ERRFI1: variants seen among roughly 807,000 people sequenced by gnomAD.
ERRFI1 encodes the protein mitogen-inducible gene 6 protein.
ERRFI1 carries 12 observed loss-of-function variants against 14.6 expected under a neutral mutation model. The ratio of observed to expected loss-of-function variants is 0.82; its 90% CI spans 0.53 to 1.33. The LOEUF (loss-of-function observed/expected upper bound fraction) is 1.33. Among genes scored for constraint, ERRFI1 ranks in the 40% most tolerant of loss-of-function variants. The pLI is 0.00. For synonymous variants in ERRFI1, 202 were observed against 209.9 expected, an observed-to-expected ratio of 0.96 and a Z score of 0.32; for missense variants, 482 against 572.1, an observed-to-expected ratio of 0.84 and a Z score of 1.61.
At chr1:8,015,874 A>AT (rs1299456383) in intron 1 of ERRFI1, among the ~76,000 whole-genome samples, 182 bp from the exon 2 acceptor site, 2 of 152,134 alleles carry the variant, frequency 1.3e-5, no homozygotes, top group Non-Finnish European at 2.9e-5. Context: ...ACTAAAAATG[A>AT]TTTTTTGTGT....
At chr1:8,018,500 G>T (rs1641230938) in intron 1 of ERRFI1, among the ~76,000 whole-genome samples, 1 of 151,724 alleles carries the variant, frequency 6.6e-6, no homozygotes, top group South Asian at 2.1e-4. Context: ...ACTCATTAGA[G>T]GAAAACAATT....
rs1387036951 is a variant in ERRFI1, at chr1:8,015,391, G to A, written c.126-7C>T. 6.2e-7 allele frequency: 1 copy of A among 1,614,104 alleles called. No homozygotes were observed. The highest frequency in any genetic ancestry group is 1.7e-5 in the Admixed American group (1 of 60,028). On this transcript the variant is annotated splice_region_variant and splice_polypyrimidine_tract_variant and intron_variant, in intron 2 of 3. Transcript: ENST00000377482. ...GTCAATATTTAAAAAGTTGCTGAAAGGAGAGGAAGCTACTTTGGTCATAAG... is the reference window on the plus strand; with the variant it reads ...GTCAATATTTAAAAAGTTGCTGAAAAGAGAGGAAGCTACTTTGGTCATAAG...
In ERRFI1 at chr1:8,015,394, G is replaced by A. The variant is rs754139728; in HGVS notation, c.126-10C>T. 9 of 1,614,122 alleles carry A rather than the reference G, an allele frequency of 5.6e-6. No individual in the cohort carries two copies. Among genetic ancestry groups the A allele is most frequent in the South Asian group, 2.2e-5 (2 of 91,086 alleles). On this transcript the variant is annotated splice_polypyrimidine_tract_variant and intron_variant, in intron 2 of 3. Transcript: ENST00000377482. Reference sequence around the variant, plus strand: ...AATATTTAAAAAGTTGCTGAAAGGAGAGGAAGCTACTTTGGTCATAAGCGA... The same window carrying A: ...AATATTTAAAAAGTTGCTGAAAGGAAAGGAAGCTACTTTGGTCATAAGCGA...
rs1641133087 is a variant in ERRFI1, at chr1:8,014,008, G to A, written c.591C>T (p.Gly197=). 2 of 1,614,056 alleles carry A rather than the reference G, an allele frequency of 1.2e-6. 1 individual carries two copies. Among genetic ancestry groups the A allele is most frequent in the South Asian group, 2.2e-5 (2 of 91,088 alleles). Reference sequence around the variant, plus strand: ...GTCCACACCCACGGAAGCTTCGCCTGCCAGGAACATCATATTTGAAATCAG... The same window carrying A: ...GTCCACACCCACGGAAGCTTCGCCTACCAGGAACATCATATTTGAAATCAG... ...TLSDFKYDVP[G]RRSFRGCGQI... The change falls in exon 4 of 4, where the codon GGC becomes GGT. Residue 197 remains glycine (G), a synonymous_variant. Coordinates refer to ENST00000377482, the MANE Select transcript of ERRFI1 (RefSeq NM_018948.4).
rs186386706 is a variant in ERRFI1 at position 8,023,356 on chromosome 1, C to A, written c.-74+2802G>T. Among the ~76,000 whole-genome samples, 97 of 152,318 alleles carry A rather than the reference C, an allele frequency of 6.4e-4. 1 individual carries two copies. The East Asian group carries it at 0.013, about 20-fold the overall frequency. On this transcript the variant is annotated intron_variant, in intron 1 of 3. Coordinates refer to ENST00000377482, the MANE Select transcript of ERRFI1 (RefSeq NM_018948.4). The stretch of plus-strand genomic sequence containing the variant: ...GCAGTCGTGTGATCTTGGCTTACTG[C>A]AACCTCTGCCTCCCAGGCTCAAGCA...
At position 8,012,579 on chromosome 1, in the gene ERRFI1, A is replaced by C. The variant is rs1454049087; in HGVS notation, c.*631T>G. On this transcript the variant is annotated 3_prime_UTR_variant, in exon 4 of 4. Transcript: ENST00000377482. Reference sequence around the variant, plus strand: ...GCTCTCCCTCCCTCAACAAGACGCAACATGAAACCTGGAAGTATGAGGCCT... The same window carrying C: ...GCTCTCCCTCCCTCAACAAGACGCACCATGAAACCTGGAAGTATGAGGCCT... 2.7e-5 allele frequency: 6 copies of C among 225,400 alleles called. No individual in the cohort carries two copies. The East Asian group carries it at 3.8e-4, about 14-fold the overall frequency. The allele number at this position is 225,400 out of a possible 1,614,324, so 14.0% of individuals were successfully genotyped here.
chr1:8,013,126 G>C lies in ERRFI1; in HGVS notation c.*84C>G, dbSNP rs1641110428. On this transcript the variant is annotated 3_prime_UTR_variant, in exon 4 of 4. Transcript: ENST00000377482. The surrounding 1 kb of genome is among the most constrained non-coding windows in gnomAD (Gnocchi z 4.3). ...AACTATTTTATTTTGCAATCTAAGG[G>C]ATTTTTCTCTGCACTTCAATCAAAC... 1 of 1,196,914 alleles carries C rather than the reference G, an allele frequency of 8.4e-7. No individual in the cohort carries two copies. Among genetic ancestry groups the C allele is most frequent in the South Asian group, 1.5e-5 (1 of 65,224 alleles). The allele number at this position is 1,196,914 out of a possible 1,614,324, so 74.1% of individuals were successfully genotyped here.
intron 1 of ERRFI1, among the ~76,000 whole-genome samples, chr1:8,022,015 T>C (rs570791177): frequency 1.3e-3 from 194 of 152,352 alleles, no homozygotes; most frequent in Non-Finnish European, 2.0e-3. Flanking sequence ...TAATAGTTTT[T>C]CTTGGGTAAC....
intron 1 of ERRFI1, among the ~76,000 whole-genome samples, chr1:8,025,752 T>A (rs1641337428): frequency 6.6e-6 from 1 of 151,854 alleles, no homozygotes; most frequent in Non-Finnish European, 1.5e-5. Context: ...AGGACCTTCA[T>A]GCTCGCCGCT....
chr1:8,015,615 G>T lies in ERRFI1; in HGVS notation c.5C>A (p.Ser2Ter). 6.2e-7 allele frequency: 1 copy of T among 1,614,050 alleles called. No individual in the cohort carries two copies. The highest frequency in any genetic ancestry group is 1.1e-5 in the South Asian group (1 of 91,072). Residue 2 changes from serine (S) to a stop codon, truncating the protein, a stop_gained, in exon 2 of 4, where the codon TCA (serine) becomes TAA (stop). Coordinates refer to ENST00000377482, the MANE Select transcript of ERRFI1 (RefSeq NM_018948.4). LOFTEE classifies it high-confidence loss of function. ...CTCCTGAGCAGCAACTCCTGCTATT[G>T]ACATTGTGCCTTATTCTGGGACATC... M[S>*]IAGVAAQEIR...
chr1:8,014,479 G>A (rs540594099), intron 3 of ERRFI1, 83 bp from the exon 4 acceptor site: 5 of 1,295,348 alleles, frequency 3.9e-6, no homozygotes, highest in South Asian at 2.9e-5. Flanking sequence ...AGCTACCTAT[G>A]CTTCCACAGC....
Position 8,015,234 on chromosome 1 carries a change from T to C in ERRFI1, c.202+74A>G, listed in dbSNP as rs1179859411. On this transcript the variant is annotated intron_variant, in intron 3 of 3. Transcript: ENST00000377482. ...GGTTTCCTCATTTAAAAAATAATGC[T>C]GGAGGACAAGCTAACCCGAATCCAG... is the stretch of plus-strand genomic sequence containing the variant. The C allele has an allele frequency of 3.0e-6, 4 of 1,332,094 alleles. No individual in the cohort carries two copies. In the African/African-American group the frequency reaches 5.8e-5, roughly 19 times the overall value. 82.5% of individuals were successfully genotyped at this position (1,332,094 alleles called of 1,614,324 possible).
intron 1 of ERRFI1, among the ~76,000 whole-genome samples, chr1:8,019,375 C>T (rs1175129437): frequency 6.6e-6 from 1 of 152,168 alleles, no homozygotes; most frequent in Non-Finnish European, 1.5e-5. Context: ...CCTTTAAGGT[C>T]AGCTCTACCC....
chr1:8,021,478 C>A (rs1340302421), intron 1 of ERRFI1, among the ~76,000 whole-genome samples: 1 of 152,142 alleles, frequency 6.6e-6, no homozygotes, highest in African/African-American at 2.4e-5. Context: ...AATATTATTT[C>A]TTTTTGACAT....
chr1:8,021,983 T>A (rs1228364902), intron 1 of ERRFI1, among the ~76,000 whole-genome samples: 2 of 152,178 alleles, frequency 1.3e-5, no homozygotes, highest in Non-Finnish European at 2.9e-5. Flanking sequence ...GTAGCACAGA[T>A]CCTTTTTTAT....
intron 3 of ERRFI1, 101 bp from the exon 4 acceptor site, chr1:8,014,497 CTGAG>C (rs1264543357): frequency 1.8e-6 from 2 of 1,136,410 alleles, no homozygotes; most frequent in Admixed American, 2.5e-5. Flanking sequence ...AGCTTTCTTC[CTGAG>C]TGAAACACTT....
intron 1 of ERRFI1, among the ~76,000 whole-genome samples, chr1:8,017,140 G>A (rs1569589432): frequency 6.8e-6 from 1 of 145,998 alleles, no homozygotes; most frequent in South Asian, 2.2e-4. Context: ...AAGGCACAGG[G>A]TTTTTTTTTT....
At chr1:8,021,724 A>C in intron 1 of ERRFI1, among the ~76,000 whole-genome samples, 1 of 152,192 alleles carries the variant, frequency 6.6e-6, no homozygotes, top group Non-Finnish European at 1.5e-5. Flanking sequence ...TATGTGTATG[A>C]ACTCATTTAA....
Sources: allele counts gnomAD v4.1 joint callset (sites outside exome capture counted in the v4.1 genomes callset), GRCh38; gene constraint gnomAD v4.1.1; non-coding constraint Gnocchi (gnomAD v3.1); transcripts MANE v1.5; gene names NCBI Gene and HGNC (gene_info 2026-07-23, HGNC 2026-07-21).